ETV5: variants seen among roughly 807,000 people sequenced by gnomAD.
ETV5 encodes the protein ETS translocation variant 5.
In ETV5, 10 loss-of-function variants were observed where a neutral mutation model predicts 70.0. The ratio of observed to expected loss-of-function variants is 0.14; its 90% CI spans 0.09 to 0.24. ETV5 has a LOEUF of 0.24. Among genes scored for constraint, ETV5 ranks in the 10% least tolerant of loss-of-function variants. The pLI, the probability that ETV5 is intolerant of heterozygous loss-of-function variation, is 1.00. For synonymous variants in ETV5, 216 were observed against 242.2 expected (o/e 0.89, Z 1.01); for missense variants, 453 against 651.2 (o/e 0.70, Z 3.31).
intron 9 of ETV5, 85 bp downstream of exon 9, chr3:186,064,332 A>C (rs973294559): frequency 1.6e-6 from 2 of 1,263,980 alleles, no homozygotes; most frequent in African/African-American, 1.5e-5. Context: ...GAAGGAAGGA[A>C]GGTAGGAGAA....
chr3:186,100,282 T>G (rs1714421586), intron 5 of ETV5, among the ~76,000 whole-genome samples: 1 of 152,172 alleles, frequency 6.6e-6, no homozygotes, highest in Non-Finnish European at 1.5e-5. Flanking sequence ...AATGGCCTTG[T>G]TTTCCCTCAA....
At chr3:186,067,302 C>T (rs1021633436) in intron 7 of ETV5, among the ~76,000 whole-genome samples, 8 of 152,148 alleles carry the variant, frequency 5.3e-5, no homozygotes, top group African/African-American at 1.7e-4. Context: ...TGTGGTTGTG[C>T]GCGCCTGTAG....
intron 7 of ETV5, among the ~76,000 whole-genome samples, chr3:186,066,910 T>C (rs952179705): frequency 3.9e-5 from 6 of 152,248 alleles, no homozygotes; most frequent in African/African-American, 1.4e-4. Context: ...TTGTTAAGGT[T>C]AGCATTTCAA....
At chr3:186,064,616 A>G (rs1713391687) in intron 8 of ETV5, 140 bp from the exon 9 acceptor site, 3 of 800,442 alleles carry the variant, frequency 3.7e-6, no homozygotes, top group Admixed American at 1.9e-5. Context: ...GTCCTGGGAA[A>G]GAGGTGCCAC....
chr3:186,101,709 A>G (rs1309308584), intron 5 of ETV5, among the ~76,000 whole-genome samples: 1 of 152,180 alleles, frequency 6.6e-6, no homozygotes, highest in Non-Finnish European at 1.5e-5. Context: ...TTCTTTAAGA[A>G]TATTATTTTA....
chr3:186,072,149 T>C (rs1713656171), intron 7 of ETV5, among the ~76,000 whole-genome samples: 1 of 150,322 alleles, frequency 6.7e-6, no homozygotes, highest in Admixed American at 6.6e-5. Context: ...CAGATCACCA[T>C]GTGAGTTCCC....
At chr3:186,059,012 CAA>C (rs1407821740) in intron 9 of ETV5, among the ~76,000 whole-genome samples, 2 of 87,986 alleles carry the variant, frequency 2.3e-5, no homozygotes, top group Admixed American at 1.2e-4. Flanking sequence ...GGCTCTGTCT[CAA>C]AAAAAAAAAA....
At chr3:186,097,227 C>T (rs937567716) in intron 5 of ETV5, among the ~76,000 whole-genome samples, 2 of 143,634 alleles carry the variant, frequency 1.4e-5, no homozygotes, top group Non-Finnish European at 3.0e-5. Flanking sequence ...TGAGGTTCCC[C>T]CATTGCTCAG....
chr3:186,097,580 CCCTTTAGACAGCT>C (rs1286044297), intron 5 of ETV5, among the ~76,000 whole-genome samples: 6 of 152,186 alleles, frequency 3.9e-5, no homozygotes, highest in African/African-American at 1.4e-4. Context: ...TATTATCACG[CCCTTTAGACAGCT>C]ACAGTCTAAA....
intron 7 of ETV5, chr3:186,079,157 T>C: frequency 2.1e-6 from 2 of 942,632 alleles, no homozygotes; most frequent in Non-Finnish European, 2.6e-6. Flanking sequence ...CATCCGAGAT[T>C]CTAGAATACC....
At chr3:186,078,799 G>A (rs779537264) in intron 7 of ETV5, among the ~76,000 whole-genome samples, 10 of 152,058 alleles carry the variant, frequency 6.6e-5, no homozygotes, top group African/African-American at 1.7e-4. Context: ...ATATTTTGCC[G>A]TTCTTAATGG....
intron 7 of ETV5, among the ~76,000 whole-genome samples, chr3:186,068,772 A>G (rs929921235): frequency 6.6e-6 from 1 of 152,236 alleles, no homozygotes; most frequent in African/African-American, 2.4e-5. Flanking sequence ...TTGACAGACT[A>G]TAGAGTTTAG....
rs1331510147 is a variant in ETV5 at position 186,079,427 on chromosome 3, T to C, written c.650+390A>G. 8.1e-5 allele frequency: 20 copies of C among 246,268 alleles called. No homozygotes were observed. In the Admixed American group the frequency reaches 9.6e-4, roughly 12 times the overall value. The allele number at this position is 246,268 out of a possible 1,614,324, so 15.3% of individuals were successfully genotyped here. On this transcript the variant is annotated intron_variant, in intron 7 of 12. Coordinates refer to ENST00000306376, the MANE Select transcript of ETV5 (RefSeq NM_004454.3). Reference sequence around the variant, plus strand: ...TATAAATCAGCAATTGTCCCTTATATGTAAGTGAAATGGTAATAACTGAAG... The same window carrying C: ...TATAAATCAGCAATTGTCCCTTATACGTAAGTGAAATGGTAATAACTGAAG...
At chr3:186,106,884 T>C in intron 1 of ETV5, 2 of 930,766 alleles carry the variant, frequency 2.1e-6, no homozygotes, top group Non-Finnish European at 2.6e-6. Context: ...TAAACACTTT[T>C]ATTCTTCAAA....
chr3:186,098,734 C>G (rs551211849), intron 5 of ETV5, among the ~76,000 whole-genome samples: 4 of 152,344 alleles, frequency 2.6e-5, no homozygotes, highest in African/African-American at 9.6e-5. Context: ...GACTTTATTT[C>G]AAGGAAAAGC....
intron 11 of ETV5, among the ~76,000 whole-genome samples, chr3:186,055,354 T>C (rs1000787163): frequency 3.9e-5 from 6 of 152,182 alleles, no homozygotes; most frequent in African/African-American, 1.2e-4. Context: ...CAGGCCACGT[T>C]ATTCAGAAAG....
intron 7 of ETV5, among the ~76,000 whole-genome samples, chr3:186,073,985 C>T (rs1232615684): frequency 6.6e-6 from 1 of 151,798 alleles, no homozygotes; most frequent in Non-Finnish European, 1.5e-5. Flanking sequence ...ACAGAATAAA[C>T]CCAAAGAAAA....
chr3:186,068,789 G>A (rs1395058452), intron 7 of ETV5, among the ~76,000 whole-genome samples: 2 of 152,222 alleles, frequency 1.3e-5, no homozygotes, highest in Non-Finnish European at 2.9e-5. Context: ...TTAGGAAGGT[G>A]GTTGTGGAAG....
chr3:186,074,234 T>G (rs1447382573), intron 7 of ETV5, among the ~76,000 whole-genome samples: 1 of 152,100 alleles, frequency 6.6e-6, no homozygotes, highest in Non-Finnish European at 1.5e-5. Flanking sequence ...TCACACAAAA[T>G]GGACAACTTC....
Sources: allele counts gnomAD v4.1 joint callset (sites outside exome capture counted in the v4.1 genomes callset), GRCh38; gene constraint gnomAD v4.1.1; transcripts MANE v1.5; gene names NCBI Gene and HGNC (gene_info 2026-07-23, HGNC 2026-07-21).